The following ULK4 variants were observed in gnomAD, a reference collection of about 807,000 sequenced individuals.
The protein encoded by ULK4 is unc-51 like kinase 4, also known as inactive serine/threonine-protein kinase ULK4.
A neutral mutation model predicts 160.6 loss-of-function variants in ULK4; 133 were observed. That is an observed-to-expected ratio of 0.83 (90% CI 0.72 to 0.96). ULK4 has a LOEUF of 0.96. Among genes scored for constraint, ULK4 ranks in the 40% least tolerant of loss-of-function variants. The pLI is 0.00. For synonymous variants in ULK4, 534 were observed against 539.8 expected (o/e 0.99, Z 0.15); for missense variants, 1,580 against 1,499.5 (o/e 1.05, Z -0.89).
intron 21 of ULK4, among the ~76,000 whole-genome samples, chr3:41,786,369 C>T (rs906988899): frequency 2.0e-5 from 3 of 151,940 alleles, no homozygotes; most frequent in Non-Finnish European, 2.9e-5. Context: ...TGGGAGGCTG[C>T]GACGGGGGAT....
At position 41,313,924 on chromosome 3, in the gene ULK4, G is replaced by A. The variant is rs187130174; in HGVS notation, c.3679-64350C>T. Among the ~76,000 whole-genome samples the A allele has an allele frequency of 2.6e-5, 4 of 152,298 alleles. No homozygotes were observed. The East Asian group carries it at 5.8e-4, about 22-fold the overall frequency. On this transcript the variant is annotated intron_variant, in intron 35 of 36. Transcript: ENST00000301831. ...CAGCTTCTGCAGGGCTCTAGAGCTC[G>A]TGAGATGGCCTTCCTTACAACCTAG...
At chr3:41,632,653 A>G (rs1332172939) in intron 30 of ULK4, among the ~76,000 whole-genome samples, 2 of 152,188 alleles carry the variant, frequency 1.3e-5, no homozygotes, top group Admixed American at 1.3e-4. Flanking sequence ...TAATGACAAT[A>G]GCAGTAAACA....
chr3:41,697,648 T>C (rs1366987492), intron 27 of ULK4, among the ~76,000 whole-genome samples: 2 of 152,010 alleles, frequency 1.3e-5, no homozygotes, highest in African/African-American at 4.8e-5. Context: ...CAGTTAATTG[T>C]TTTTTTAATT....
At chr3:41,774,773 C>T (rs1275417971) in intron 21 of ULK4, among the ~76,000 whole-genome samples, 5 of 150,642 alleles carry the variant, frequency 3.3e-5, no homozygotes, top group African/African-American at 1.2e-4. Flanking sequence ...CACATGCACA[C>T]ATATGTTTAT....
intron 30 of ULK4, among the ~76,000 whole-genome samples, chr3:41,655,084 G>A (rs1350040503): frequency 6.6e-6 from 1 of 151,960 alleles, no homozygotes; most frequent in Non-Finnish European, 1.5e-5. Context: ...TGAGGTGGGA[G>A]GACTGCTTGA....
intron 21 of ULK4, among the ~76,000 whole-genome samples, chr3:41,787,571 T>C (rs1430918460): frequency 2.6e-5 from 4 of 152,136 alleles, no homozygotes; most frequent in Non-Finnish European, 4.4e-5. Context: ...AAGATTCAAA[T>C]AACATCCACC....
intron 32 of ULK4, among the ~76,000 whole-genome samples, chr3:41,474,708 A>G (rs889707186): frequency 6.6e-6 from 1 of 151,556 alleles, no homozygotes; most frequent in Non-Finnish European, 1.5e-5. Flanking sequence ...GACATTTCTC[A>G]AAAGAAGACA....
intron 31 of ULK4, among the ~76,000 whole-genome samples, chr3:41,609,734 G>GGCC (rs1413709276): frequency 6.6e-6 from 1 of 152,152 alleles, no homozygotes; most frequent in Non-Finnish European, 1.5e-5. Context: ...CACTTTGGAA[G>GGCC]GCCAAGGTGG....
At chr3:41,531,094 T>A (rs982860026) in intron 32 of ULK4, among the ~76,000 whole-genome samples, 1 of 149,468 alleles carries the variant, frequency 6.7e-6, no homozygotes, top group Admixed American at 6.7e-5. Context: ...GAATGCCCAG[T>A]GTTTTGGCAG....
At chr3:41,317,063 A>ATTTTTTTTTTTTTTTT (rs1164870603) in intron 35 of ULK4, among the ~76,000 whole-genome samples, 14 of 94,548 alleles carry the variant, frequency 1.5e-4, no homozygotes, top group East Asian at 2.7e-4. Flanking sequence ...AATTACATCT[A>ATTTTTTTTTTTTTTTT]TTTTTTTTTT....
chr3:41,390,981 T>C (rs964351), intron 35 of ULK4, among the ~76,000 whole-genome samples: 87,161 of 151,834 alleles, frequency 0.57, 26,523 homozygotes, highest in African/African-American at 0.8. Context: ...CCTCTAGAAC[T>C]CTCTGTTTTA....
At chr3:41,410,525 G>T (rs900810032) in intron 34 of ULK4, among the ~76,000 whole-genome samples, 1 of 152,082 alleles carries the variant, frequency 6.6e-6, no homozygotes, top group African/African-American at 2.4e-5. Context: ...GGAGGGAATG[G>T]GGAATGACTT....
At chr3:41,647,075 A>G (rs1167775992) in intron 30 of ULK4, among the ~76,000 whole-genome samples, 1 of 152,060 alleles carries the variant, frequency 6.6e-6, no homozygotes, top group East Asian at 1.9e-4. Flanking sequence ...TGTATTGGTT[A>G]TTCTAGTTAT....
chr3:41,306,412 C>G (rs574869136), intron 35 of ULK4, among the ~76,000 whole-genome samples: 1 of 143,864 alleles, frequency 7.0e-6, no homozygotes, highest in Non-Finnish European at 1.5e-5. Flanking sequence ...TCTGCCCGGC[C>G]GCCCCTACTG....
At chr3:41,294,193 T>C (rs2079625950) in intron 35 of ULK4, among the ~76,000 whole-genome samples, 1 of 152,182 alleles carries the variant, frequency 6.6e-6, no homozygotes. Context: ...GTGAATGGTT[T>C]AGTGCTGCTA....
At chr3:41,309,952 A>G (rs2080018923) in intron 35 of ULK4, among the ~76,000 whole-genome samples, 1 of 152,130 alleles carries the variant, frequency 6.6e-6, no homozygotes, top group Non-Finnish European at 1.5e-5. Flanking sequence ...GGTCTAAAAC[A>G]CTAGATGACA....
chr3:41,266,658 T>G (rs576718930), intron 35 of ULK4, among the ~76,000 whole-genome samples: 1 of 152,312 alleles, frequency 6.6e-6, no homozygotes, highest in Non-Finnish European at 1.5e-5. Flanking sequence ...TGTTTTCAGT[T>G]GGGTTAGAGT....
At chr3:41,745,890 ATT>A (rs939779095) in intron 22 of ULK4, among the ~76,000 whole-genome samples, 4 of 151,610 alleles carry the variant, frequency 2.6e-5, no homozygotes, top group Admixed American at 6.6e-5. Context: ...AAAAAATCAT[ATT>A]GTTATATTAA....
chr3:41,589,571 G>C (rs1465548104), intron 31 of ULK4, among the ~76,000 whole-genome samples: 1 of 151,970 alleles, frequency 6.6e-6, no homozygotes, highest in African/African-American at 2.4e-5. Context: ...AATATATAGT[G>C]CCTTTTGTAA....
Sources: gnomAD v4.1 joint callset for allele counts (sites outside exome capture counted in the v4.1 genomes callset) on GRCh38, gnomAD v4.1.1 for gene constraint, MANE v1.5 for transcripts, NCBI Gene and HGNC (gene_info 2026-07-23, HGNC 2026-07-21) for gene names.